Variants in SLC9A3 observed in about 807,000 individuals in gnomAD.
The protein encoded by SLC9A3 is solute carrier family 9 member A3.
A neutral mutation model predicts 86.8 loss-of-function variants in SLC9A3; 37 were observed. That is an observed-to-expected ratio of 0.43 (90% confidence interval 0.33 to 0.56). The LOEUF is 0.56. SLC9A3 is among the 20% of genes least tolerant of loss of function. The pLI is 0.06. For synonymous variants in SLC9A3, 581 were observed against 528.3 expected, an observed-to-expected ratio of 1.10 and a Z score of -1.37; for missense variants, 1,011 against 1,171.9, an observed-to-expected ratio of 0.86 and a Z score of 2.00.
At chr5:480,395 G>C (rs1739090317) in intron 9 of SLC9A3, 1 of 159,894 alleles carries the variant, frequency 6.3e-6, no homozygotes, top group South Asian at 1.7e-4. Context: ...TGGTTATCCA[G>C]ATCAGAAGGG....
In SLC9A3 at chr5:497,726, GCCCGGCCGCA is replaced by G. The variant is rs1740085892; in HGVS notation, c.212-5665_212-5656del. Among the ~76,000 whole-genome samples the G allele has an allele frequency of 1.8e-5, 2 of 109,034 alleles. No individual in the cohort carries two copies. Among genetic ancestry groups the G allele is most frequent in the African/African-American group, 7.4e-5 (2 of 27,132 alleles). The allele number at this position is 109,034 out of a possible 152,430, so 71.5% of individuals were successfully genotyped here. A position where few individuals can be genotyped will look rare whatever the true frequency, so the allele number is the denominator to read the frequency against. The stretch of plus-strand genomic sequence containing the variant: ...ATCTGCCCCTGTCCTGGGTGGGGTC[GCCCGGCCGCA>G]TCCCCAGCCTCTGCCCCTGTCCCGG... On this transcript the variant is annotated intron_variant, in intron 1 of 16. Coordinates refer to ENST00000264938, the MANE Select transcript of SLC9A3 (RefSeq NM_004174.4). The surrounding 1 kb of genome is among the most constrained non-coding windows in gnomAD (Gnocchi z 5.4).
chr5:475,813 G>A, intron 14 of SLC9A3, 142 bp from the exon 15 acceptor site: 2 of 692,736 alleles, frequency 2.9e-6, no homozygotes, highest in Non-Finnish European at 2.5e-6. Flanking sequence ...CAGGGCTGGA[G>A]GAGGGACCCC....
At position 473,230 on chromosome 5, in the gene SLC9A3, CAGG is replaced by C; in HGVS notation, c.*146_*148del. On this transcript the variant is annotated 3_prime_UTR_variant, in exon 17 of 17. Coordinates refer to ENST00000264938, the MANE Select transcript of SLC9A3 (RefSeq NM_004174.4). Reference sequence around the variant, plus strand: ...GGCGCGGCACTCTCGGAGTTCTGCGCAGGCGCTGGCGTGGGCGAGGCGGGGCTC... The same window carrying C: ...GGCGCGGCACTCTCGGAGTTCTGCGCCGCTGGCGTGGGCGAGGCGGGGCTC... 1 of 887,378 alleles carries C rather than the reference CAGG, an allele frequency of 1.1e-6. No homozygotes were observed. Among genetic ancestry groups the C allele is most frequent in the African/African-American group, 1.8e-5 (1 of 56,014 alleles). 55.0% of individuals were successfully genotyped at this position (887,378 alleles called of 1,614,324 possible).
In SLC9A3 at chr5:496,225, G is replaced by C. The variant is rs548046176; in HGVS notation, c.212-4154C>G. 6.6e-6 allele frequency among the ~76,000 whole-genome samples: 1 copy of C among 152,294 alleles called. No individual in the cohort carries two copies. Among genetic ancestry groups the C allele is most frequent in the East Asian group, 2.0e-4 (1 of 5,116 alleles). On this transcript the variant is annotated intron_variant, in intron 1 of 16. Coordinates refer to ENST00000264938, the MANE Select transcript of SLC9A3 (RefSeq NM_004174.4). The surrounding 1 kb of genome is among the most constrained non-coding windows in gnomAD (Gnocchi z 4.7). ...GTTGGACACGCCTTTCCCATGTGCG[G>C]TGGCGTCCGAGGGCAGCTCCTGCAG...
Position 500,748 on chromosome 5 carries a change from G to A in SLC9A3, c.212-8677C>T, listed in dbSNP as rs1304062265. Among the ~76,000 whole-genome samples the A allele has an allele frequency of 1.9e-4, 29 of 149,490 alleles. 1 individual carries two copies. Among genetic ancestry groups the A allele is most frequent in the African/African-American group, 6.7e-4 (27 of 40,116 alleles). ...TGTGGACGGGGCTGGTGTGGACGGG[G>A]TCAGTGTGGACACAGGGCCAGTGTG... is the stretch of plus-strand genomic sequence containing the variant. On this transcript the variant is annotated intron_variant, in intron 1 of 16. Coordinates refer to ENST00000264938, the MANE Select transcript of SLC9A3 (RefSeq NM_004174.4).
chr5:522,269 A>C (rs1733905673), intron 1 of SLC9A3, among the ~76,000 whole-genome samples: 1 of 152,200 alleles, frequency 6.6e-6, no homozygotes, highest in African/African-American at 2.4e-5. Flanking sequence ...AACCAGTCCA[A>C]GTGTTTGGGA....
At chr5:523,453 C>T (rs1733943812) in intron 1 of SLC9A3, among the ~76,000 whole-genome samples, 1 of 152,094 alleles carries the variant, frequency 6.6e-6, no homozygotes, top group Non-Finnish European at 1.5e-5. Flanking sequence ...GAGACCCTAC[C>T]CTGTGGACCA....
chr5:492,659 C>CGGG (rs142937148), intron 1 of SLC9A3, among the ~76,000 whole-genome samples: 130 of 149,488 alleles, frequency 8.7e-4, no homozygotes, highest in African/African-American at 3.2e-3. Context: ...GGACGGTGGT[C>CGGG]GGGGGGGGGC....
At chr5:482,833 C>A (rs72700693) in intron 6 of SLC9A3, 83 bp from the exon 7 acceptor site, 1 of 1,130,816 alleles carries the variant, frequency 8.8e-7, no homozygotes. Context: ...AGCGTCTTGG[C>A]GGCCAAGCAT....
At chr5:476,806 C>CT in intron 11 of SLC9A3, 134 bp from the exon 12 acceptor site, 2 of 1,079,914 alleles carry the variant, frequency 1.9e-6, no homozygotes, top group Non-Finnish European at 2.7e-6. Context: ...GGTGGGCACC[C>CT]GGCTGGGGCA....
At chr5:505,951 G>A (rs1386234582) in intron 1 of SLC9A3, among the ~76,000 whole-genome samples, 1 of 151,936 alleles carries the variant, frequency 6.6e-6, no homozygotes, top group Non-Finnish European at 1.5e-5. Context: ...TGGGGTGCAG[G>A]TGGAGCCTCT....
intron 1 of SLC9A3, among the ~76,000 whole-genome samples, chr5:519,181 T>C (rs1733814638): frequency 6.6e-6 from 1 of 152,106 alleles, no homozygotes; most frequent in African/African-American, 2.4e-5. Context: ...CCACTGAGCA[T>C]ACCTCTCCTG....
intron 16 of SLC9A3, 151 bp from the exon 17 acceptor site, chr5:473,533 C>A: frequency 1.8e-6 from 1 of 563,222 alleles, no homozygotes; most frequent in Non-Finnish European, 2.6e-6. Context: ...GGGCCTCCTC[C>A]CAGGACCCGG....
chr5:504,804 G>A (rs568738772), intron 1 of SLC9A3, among the ~76,000 whole-genome samples: 107 of 152,322 alleles, frequency 7.0e-4, no homozygotes, highest in African/African-American at 2.5e-3. Flanking sequence ...CATGGGGGCC[G>A]GGCCAGAGGC....
chr5:503,948 G>A (rs1328319685), intron 1 of SLC9A3, among the ~76,000 whole-genome samples: 5 of 152,134 alleles, frequency 3.3e-5, no homozygotes, highest in Admixed American at 2.0e-4. Flanking sequence ...ATCTTCACCC[G>A]GTGCCTGGAT....
intron 10 of SLC9A3, 102 bp from the exon 11 acceptor site, chr5:477,546 A>C: frequency 1.3e-6 from 1 of 765,106 alleles, no homozygotes. Context: ...GGGCCCGGGG[A>C]AAGCCTTGAG....
chr5:493,796 C>T (rs923712637), intron 1 of SLC9A3, among the ~76,000 whole-genome samples: 3 of 152,242 alleles, frequency 2.0e-5, no homozygotes, highest in African/African-American at 7.2e-5. Context: ...CCATGTGCCC[C>T]ACAGGCTCTC....
At chr5:507,270 C>T (rs1438583402) in intron 1 of SLC9A3, among the ~76,000 whole-genome samples, 1 of 133,914 alleles carries the variant, frequency 7.5e-6, no homozygotes, top group Non-Finnish European at 1.5e-5. Context: ...CGGGTTCACG[C>T]CATTCTCCTG....
At chr5:480,068 T>G (rs751807537) in intron 9 of SLC9A3, 103 bp from the exon 10 acceptor site, 5 of 1,362,942 alleles carry the variant, frequency 3.7e-6, no homozygotes, top group African/African-American at 2.9e-5. Context: ...TTTGCTATAG[T>G]GACCCTGTAG....
Sources: gnomAD v4.1 joint callset for allele counts (sites outside exome capture counted in the v4.1 genomes callset) on GRCh38, gnomAD v4.1.1 for gene constraint, Gnocchi (gnomAD v3.1) non-coding constraint, MANE v1.5 for transcripts, NCBI Gene and HGNC (gene_info 2026-07-23, HGNC 2026-07-21) for gene names.